The following PUDP variants were observed in gnomAD, a reference collection of about 807,000 sequenced individuals.
PUDP encodes pseudouridine-5'-phosphatase.
In PUDP, 8 loss-of-function variants were observed where a neutral mutation model predicts 9.4. The observed-to-expected ratio is 0.85, with a 90% CI of 0.50 to 1.53. The LOEUF (loss-of-function observed/expected upper bound fraction) is 1.53, where lower values mean the gene tolerates loss of function less well. Among genes scored for constraint, PUDP ranks in the 40% most tolerant of loss-of-function variants. The pLI is 0.00. For synonymous variants in PUDP, 99 were observed against 80.7 expected, an observed-to-expected ratio of 1.23 and a Z score of -1.22; for missense variants, 188 against 189.7, an observed-to-expected ratio of 0.99 and a Z score of 0.05.
intron 2 of PUDP, among the ~76,000 whole-genome samples, chrX:7,104,311 A>T (rs1170315761): frequency 8.9e-6 from 1 of 111,821 alleles, no homozygotes; most frequent in Non-Finnish European, 1.9e-5. Context: ...AAAAAAGATA[A>T]ATACTACATA....
chrX:7,083,600 T>C (rs1931173146), intron 2 of PUDP, among the ~76,000 whole-genome samples: 1 of 111,112 alleles, frequency 9.0e-6, no homozygotes, highest in African/African-American at 3.3e-5. Context: ...TTCTCGTTCC[T>C]TAGAAATATG....
chrX:7,019,134 C>CT (rs1385691295), intron 1 of PUDP, among the ~76,000 whole-genome samples: 1 of 111,140 alleles, frequency 9.0e-6, no homozygotes, highest in Non-Finnish European at 1.9e-5. Flanking sequence ...ATGCCCTACT[C>CT]TGTCTATGGA....
intron 3 of PUDP, among the ~76,000 whole-genome samples, chrX:6,962,607 C>T: frequency 8.9e-6 from 1 of 112,246 alleles, no homozygotes; most frequent in Non-Finnish European, 1.9e-5. Flanking sequence ...CCATAAAATT[C>T]AGTTAGTAGA....
chrX:7,038,215 A>G (rs1177123780), intron 1 of PUDP, among the ~76,000 whole-genome samples: 4 of 112,330 alleles, frequency 3.6e-5, no homozygotes, highest in Admixed American at 2.8e-4. Context: ...CTTGAGCTCA[A>G]CATGCTGTTG....
At chrX:6,866,067 C>A (rs908583102) in intron 3 of PUDP, among the ~76,000 whole-genome samples, 1 of 110,545 alleles carries the variant, frequency 9.0e-6, no homozygotes, top group Non-Finnish European at 1.9e-5. Flanking sequence ...ATTACAGGCA[C>A]GTGCCACCAT....
intron 3 of PUDP, among the ~76,000 whole-genome samples, chrX:6,862,758 A>C (rs1163661441): frequency 9.0e-6 from 1 of 111,547 alleles, no homozygotes. Flanking sequence ...GATTACATCT[A>C]TAGTTTGAAA....
chrX:7,010,107 G>T (rs944517131), intron 1 of PUDP, among the ~76,000 whole-genome samples: 2 of 111,782 alleles, frequency 1.8e-5, no homozygotes, highest in Non-Finnish European at 3.8e-5. Context: ...ATCTTTCCTG[G>T]AATAGTCACT....
intron 1 of PUDP, among the ~76,000 whole-genome samples, chrX:7,014,143 T>C (rs1929516183): frequency 9.1e-6 from 1 of 110,378 alleles, no homozygotes; most frequent in African/African-American, 3.3e-5. Context: ...CCTTCCCTTC[T>C]CTCTTTCTCT....
intron 3 of PUDP, among the ~76,000 whole-genome samples, chrX:6,965,577 C>T (rs182894207): frequency 3.4e-4 from 38 of 111,757 alleles, no homozygotes; most frequent in African/African-American, 1.2e-3. Flanking sequence ...CAATTAAACA[C>T]GATACTGTAT....
intron 3 of PUDP, among the ~76,000 whole-genome samples, chrX:6,855,193 A>G (rs1215309899): frequency 9.0e-6 from 1 of 110,970 alleles, no homozygotes; most frequent in Non-Finnish European, 1.9e-5. Flanking sequence ...CCACTTAATG[A>G]ATAGTAAATG....
intron 1 of PUDP, among the ~76,000 whole-genome samples, chrX:7,125,781 A>T (rs531525926): frequency 1.8e-5 from 2 of 111,643 alleles, no homozygotes; most frequent in South Asian, 7.7e-4. Flanking sequence ...CTTGTGCAGG[A>T]AAACTCCTTT....
chrX:6,712,190 G>A (rs1246062155), intron 1 of PUDP, among the ~76,000 whole-genome samples: 15 of 111,185 alleles, frequency 1.3e-4, no homozygotes, highest in Non-Finnish European at 1.1e-4. Context: ...TCACTCTGTC[G>A]CCCAGGCTGT....
At chrX:6,950,503 C>T (rs1181427014) in intron 3 of PUDP, among the ~76,000 whole-genome samples, 7 of 94,402 alleles carry the variant, frequency 7.4e-5, no homozygotes, top group Non-Finnish European at 1.3e-4. Flanking sequence ...CTCCACCTCC[C>T]GGGTTCACGC....
intron 3 of PUDP, among the ~76,000 whole-genome samples, chrX:6,753,076 A>G (rs1015595564): frequency 9.1e-6 from 1 of 110,418 alleles, no homozygotes; most frequent in African/African-American, 3.3e-5. Context: ...TCCATTACCC[A>G]AGCAGTATAT....
At chrX:7,070,862 G>A (rs1474036464) in intron 3 of PUDP, among the ~76,000 whole-genome samples, 1 of 112,046 alleles carries the variant, frequency 8.9e-6, no homozygotes, top group Admixed American at 9.4e-5. Context: ...ACAGGCGTGA[G>A]CCATCACGCC....
intron 3 of PUDP, among the ~76,000 whole-genome samples, chrX:6,930,527 G>A (rs1314069935): frequency 9.0e-6 from 1 of 111,483 alleles, no homozygotes; most frequent in East Asian, 2.8e-4. Context: ...CTAAAAGCGG[G>A]AGGAACTCTC....
chrX:7,060,633 C>T (rs1930374711), intron 3 of PUDP, among the ~76,000 whole-genome samples: 1 of 112,315 alleles, frequency 8.9e-6, no homozygotes, highest in African/African-American at 3.2e-5. Context: ...AGCAGCACTC[C>T]GAGGAATCTA....
intron 3 of PUDP, among the ~76,000 whole-genome samples, chrX:6,934,472 C>T (rs1928261015): frequency 9.1e-6 from 1 of 109,349 alleles, no homozygotes; most frequent in Non-Finnish European, 1.9e-5. Flanking sequence ...TAAAAGAGCT[C>T]CTGAAGGAAG....
chrX:6,796,771 A>G (rs1015790009), intron 3 of PUDP, among the ~76,000 whole-genome samples: 1 of 112,024 alleles, frequency 8.9e-6, no homozygotes, highest in Non-Finnish European at 1.9e-5. Flanking sequence ...TTAATAAAAA[A>G]CAGGACAAGA....
Sources: gnomAD v4.1 joint callset for allele counts (sites outside exome capture counted in the v4.1 genomes callset) on GRCh38, gnomAD v4.1.1 for gene constraint, MANE v1.5 for transcripts, NCBI Gene and HGNC (gene_info 2026-07-23, HGNC 2026-07-21) for gene names.